The following PDE1A variants were observed in gnomAD, a reference collection of about 807,000 sequenced individuals.
PDE1A encodes dual specificity calcium/calmodulin-dependent 3',5'-cyclic nucleotide phosphodiesterase 1A.
A neutral mutation model predicts 61.7 loss-of-function variants in PDE1A; 35 were observed. That is an observed-to-expected ratio of 0.57 (90% confidence interval 0.43 to 0.75). The LOEUF is 0.75. Ranked by LOEUF, PDE1A falls within the 30% of genes least tolerant of loss-of-function variation. The pLI is 0.00. For synonymous variants in PDE1A, 232 were observed against 213.2 expected (o/e 1.09, Z -0.77); for missense variants, 597 against 630.6 (o/e 0.95, Z 0.57).
At chr2:182,218,228 A>C (rs1428196702) in intron 7 of PDE1A, among the ~76,000 whole-genome samples, 1 of 141,204 alleles carries the variant, frequency 7.1e-6, no homozygotes, top group Non-Finnish European at 1.5e-5. Flanking sequence ...ATGAGAACAC[A>C]TGGACACAGG....
chr2:182,496,376 T>G (rs1417690624), intron 2 of PDE1A, among the ~76,000 whole-genome samples: 1 of 152,242 alleles, frequency 6.6e-6, no homozygotes, highest in African/African-American at 2.4e-5. Context: ...GTAATGTGGT[T>G]ATGTATCTTT....
At chr2:182,168,420 G>T (rs1691807175) in intron 13 of PDE1A, 2 of 802,536 alleles carry the variant, frequency 2.5e-6, no homozygotes, top group Admixed American at 3.4e-5. Context: ...ATTATGAAGA[G>T]AAACATAATT....
chr2:182,558,430 C>T, the PDE1A span, among the ~76,000 whole-genome samples: 2 of 152,082 alleles, frequency 1.3e-5, no homozygotes, highest in African/African-American at 4.8e-5. Flanking sequence ...AGCCCTTTGA[C>T]AGTCTGTAAT....
intron 10 of PDE1A, among the ~76,000 whole-genome samples, chr2:182,200,909 G>A (rs943887607): frequency 1.3e-5 from 2 of 152,194 alleles, no homozygotes; most frequent in African/African-American, 4.8e-5. Context: ...CATGTATAAA[G>A]AAAAGATGTG....
chr2:182,406,244 G>A (rs1050812243), intron 1 of PDE1A, among the ~76,000 whole-genome samples: 1 of 151,968 alleles, frequency 6.6e-6, no homozygotes, highest in Non-Finnish European at 1.5e-5. Context: ...ATATTTAGGG[G>A]ACCAAGGCTT....
chr2:182,145,724 G>A (rs1343929780), downstream of PDE1A, among the ~76,000 whole-genome samples: 1 of 151,900 alleles, frequency 6.6e-6, no homozygotes. Context: ...GCGAGACTCG[G>A]TCTCCAAAAA....
chr2:182,201,875 T>A, intron 8 of PDE1A, 86 bp from the exon 9 acceptor site: 1 of 818,854 alleles, frequency 1.2e-6, no homozygotes. Context: ...ACTCACCATG[T>A]TTTATAGTTC....
At chr2:182,692,507 T>G in the PDE1A span, among the ~76,000 whole-genome samples, 1 of 149,216 alleles carries the variant, frequency 6.7e-6, no homozygotes, top group South Asian at 2.1e-4. Context: ...CATCACACAC[T>G]GGGGCCTGTT....
the PDE1A span, among the ~76,000 whole-genome samples, chr2:182,543,297 T>C: frequency 1.3e-5 from 2 of 152,352 alleles, no homozygotes; most frequent in East Asian, 3.9e-4. Flanking sequence ...TACAGATTTG[T>C]ATGATTAATT....
At chr2:182,287,914 A>G (rs1192813517) in intron 1 of PDE1A, among the ~76,000 whole-genome samples, 1 of 152,180 alleles carries the variant, frequency 6.6e-6, no homozygotes, top group Non-Finnish European at 1.5e-5. Context: ...TCAGCCTGGA[A>G]CAAATATCCT....
At chr2:182,675,619 T>C in the PDE1A span, among the ~76,000 whole-genome samples, 1 of 152,194 alleles carries the variant, frequency 6.6e-6, no homozygotes, top group Non-Finnish European at 1.5e-5. Context: ...CCAGCATCTG[T>C]TATTTTTTGA....
At chr2:182,419,749 G>GT (rs989360836) in intron 1 of PDE1A, among the ~76,000 whole-genome samples, 108 of 152,224 alleles carry the variant, frequency 7.1e-4, no homozygotes, top group African/African-American at 2.5e-3. Flanking sequence ...GTGTTTTAGT[G>GT]TTTTTTAAAA....
In PDE1A at chr2:182,147,170, CA is replaced by C. The variant is rs775682984; in HGVS notation, c.1517-19del. ...AGATTCACCTAAAAATATAAGGAAA[CA>C]AAAGCAAAACAAAACAAAATAAGGC... On this transcript the variant is annotated intron_variant, in intron 13 of 13. Coordinates refer to the PDE1A transcript ENST00000409365. The C allele has an allele frequency of 6.8e-7, 1 of 1,469,970 alleles. No individual in the cohort carries two copies. Among genetic ancestry groups the C allele is most frequent in the Non-Finnish European group, 9.4e-7 (1 of 1,061,374 alleles). 91.1% of individuals were successfully genotyped at this position (1,469,970 alleles called of 1,614,324 possible).
chr2:182,350,752 G>A (rs1003933396), intron 1 of PDE1A, among the ~76,000 whole-genome samples: 3 of 152,130 alleles, frequency 2.0e-5, no homozygotes, highest in African/African-American at 7.2e-5. Flanking sequence ...TCTGTAGAGT[G>A]GGGCATGGCC....
intron 12 of PDE1A, 134 bp downstream of exon 12, chr2:182,186,334 A>C: frequency 9.6e-7 from 1 of 1,041,806 alleles, no homozygotes; most frequent in Non-Finnish European, 1.4e-6. Flanking sequence ...TATAATATAA[A>C]GCCACTAGGT....
At chr2:182,286,764 A>T (rs1368842468) in intron 1 of PDE1A, among the ~76,000 whole-genome samples, 1 of 152,154 alleles carries the variant, frequency 6.6e-6, no homozygotes, top group Non-Finnish European at 1.5e-5. Context: ...ATATGATCAC[A>T]TCTAACTTTA....
intron 1 of PDE1A, among the ~76,000 whole-genome samples, chr2:182,281,437 C>T (rs2125852146): frequency 6.6e-6 from 1 of 151,974 alleles, no homozygotes; most frequent in Non-Finnish European, 1.5e-5. Flanking sequence ...AAAATGCTGC[C>T]AGTAAAATAG....
At chr2:182,612,895 G>A in the PDE1A span, among the ~76,000 whole-genome samples, 8 of 152,078 alleles carry the variant, frequency 5.3e-5, no homozygotes, top group South Asian at 4.1e-4. Context: ...TTGCGAGATC[G>A]GCCTCCTCCA....
intron 1 of PDE1A, among the ~76,000 whole-genome samples, chr2:182,392,011 C>A (rs955584106): frequency 6.6e-6 from 1 of 152,096 alleles, no homozygotes; most frequent in East Asian, 1.9e-4. Flanking sequence ...AGGTCAGGTC[C>A]CGTTGAGGAA....
Sources: allele counts gnomAD v4.1 joint callset (sites outside exome capture counted in the v4.1 genomes callset), GRCh38; gene constraint gnomAD v4.1.1; transcripts MANE v1.5; gene names NCBI Gene and HGNC (gene_info 2026-07-23, HGNC 2026-07-21).